The following CCDC25 variants were observed in gnomAD, a reference collection of about 807,000 sequenced individuals.
The protein encoded by CCDC25 is coiled-coil domain containing 25, also known as coiled-coil domain-containing protein 25.
Under a neutral mutation model 35.3 loss-of-function variants are expected in CCDC25, and 16 were observed. The observed-to-expected ratio is 0.45, with a 90% CI of 0.31 to 0.69. The LOEUF (loss-of-function observed/expected upper bound fraction) is 0.69, where lower values mean the gene tolerates loss of function less well. Ranked by LOEUF, CCDC25 falls within the 30% of genes least tolerant of loss-of-function variation. The probability of loss-of-function intolerance (pLI) is 0.06; values close to 1 mark genes in which losing one functional copy is unlikely to be tolerated. For missense variants in CCDC25, 179 were observed against 250.7 expected, an observed-to-expected ratio of 0.71 and a Z score of 1.93; for synonymous variants, 79 against 80.3, an observed-to-expected ratio of 0.98 and a Z score of 0.09.
chr8:27,757,022 A>G (rs1804030866), intron 3 of CCDC25, among the ~76,000 whole-genome samples: 1 of 152,054 alleles, frequency 6.6e-6, no homozygotes, highest in Non-Finnish European at 1.5e-5. Flanking sequence ...TATTAACTGT[A>G]CTGGGAAGGG....
intron 2 of CCDC25, among the ~76,000 whole-genome samples, chr8:27,763,476 G>C (rs1447987807): frequency 6.6e-6 from 1 of 152,210 alleles, no homozygotes; most frequent in Non-Finnish European, 1.5e-5. Context: ...CCAGCACTTT[G>C]GGAGGCTGAG....
chr8:27,772,583 G>T lies in CCDC25; in HGVS notation c.-43C>A. 1 of 1,541,194 alleles carries T rather than the reference G, an allele frequency of 6.5e-7. No homozygotes were observed. The highest frequency in any genetic ancestry group is 8.8e-7 in the Non-Finnish European group (1 of 1,140,418). Reference sequence around the variant, plus strand: ...GGTGACTCCACCGCGGAGCAGCAGCGCTCAACTCACGAAGCTCAGGATACC... The same window carrying T: ...GGTGACTCCACCGCGGAGCAGCAGCTCTCAACTCACGAAGCTCAGGATACC... On this transcript the variant is annotated 5_prime_UTR_variant, in exon 1 of 9. Transcript: ENST00000356537.
chr8:27,749,716 T>G (rs1235188552), intron 5 of CCDC25, among the ~76,000 whole-genome samples: 1 of 152,088 alleles, frequency 6.6e-6, no homozygotes, highest in East Asian at 1.9e-4. Context: ...TGGCAAAACT[T>G]AAATATGGAC....
chr8:27,770,352 A>C (rs1055800101), intron 1 of CCDC25, among the ~76,000 whole-genome samples: 4 of 152,090 alleles, frequency 2.6e-5, no homozygotes, highest in Non-Finnish European at 4.4e-5. Flanking sequence ...GCTTGAACCC[A>C]GGAGATGGAG....
At chr8:27,747,890 C>T in intron 7 of CCDC25, 187 bp downstream of exon 7, 1 of 596,010 alleles carries the variant, frequency 1.7e-6, no homozygotes, top group East Asian at 2.8e-5. Flanking sequence ...CATAAACAAG[C>T]AATTCTTTTA....
chr8:27,762,288 C>T, intron 3 of CCDC25, 131 bp downstream of exon 3: 1 of 737,066 alleles, frequency 1.4e-6, no homozygotes. Flanking sequence ...AATGAAGGAA[C>T]TGGCAGTCAG....
intron 2 of CCDC25, chr8:27,764,295 C>T (rs547290053): frequency 5.5e-6 from 1 of 181,076 alleles, no homozygotes; most frequent in African/African-American, 2.4e-5. Context: ...CTTCAGACAA[C>T]AGATTCTCGC....
intron 1 of CCDC25, among the ~76,000 whole-genome samples, chr8:27,766,679 G>A (rs943026272): frequency 7.2e-5 from 11 of 151,900 alleles, no homozygotes; most frequent in Admixed American, 3.9e-4. Context: ...ATCCTATAAC[G>A]TCACTACCTA....
At position 27,765,256 on chromosome 8, in the gene CCDC25, G is replaced by A; in HGVS notation, c.29-5C>T. The stretch of plus-strand genomic sequence containing the variant: ...TAGTGTAGGCAGATGAATTAACTAA[G>A]ATAAAACAAAAATAAAAAACAATTA... On this transcript the variant is annotated splice_region_variant and splice_polypyrimidine_tract_variant and intron_variant, in intron 1 of 8. Transcript: ENST00000356537. 6.8e-7 allele frequency: 1 copy of A among 1,461,952 alleles called. No homozygotes were observed. The highest frequency in any genetic ancestry group is 9.2e-7 in the Non-Finnish European group (1 of 1,084,066). The allele number at this position is 1,461,952 out of a possible 1,614,324, so 90.6% of individuals were successfully genotyped here.
intron 3 of CCDC25, among the ~76,000 whole-genome samples, chr8:27,759,346 C>G (rs567201285): frequency 2.6e-5 from 4 of 152,194 alleles, no homozygotes; most frequent in Non-Finnish European, 5.9e-5. Flanking sequence ...GTGGCTCATG[C>G]CTGTCGTGCC....
intron 5 of CCDC25, among the ~76,000 whole-genome samples, chr8:27,750,484 A>G (rs1323235371): frequency 6.6e-6 from 1 of 152,178 alleles, no homozygotes; most frequent in Non-Finnish European, 1.5e-5. Flanking sequence ...TACTACCACC[A>G]CTACACCTAC....
intron 7 of CCDC25, among the ~76,000 whole-genome samples, chr8:27,746,803 T>C (rs34371552): frequency 0.025 from 3,848 of 152,276 alleles, 83 homozygotes; most frequent in Non-Finnish European, 0.037. Context: ...AAGTGAAGCC[T>C]GTTTTAGCAG....
At chr8:27,769,219 C>T (rs1804504370) in intron 1 of CCDC25, among the ~76,000 whole-genome samples, 1 of 152,114 alleles carries the variant, frequency 6.6e-6, no homozygotes, top group Admixed American at 6.6e-5. Flanking sequence ...TTTAAAAGAT[C>T]AGCTGCACAA....
chr8:27,738,088 T>C (rs1277330650), intron 8 of CCDC25, among the ~76,000 whole-genome samples: 3 of 152,008 alleles, frequency 2.0e-5, no homozygotes, highest in Non-Finnish European at 4.4e-5. Context: ...GTAAGAATGA[T>C]ACGATGGACT....
At chr8:27,759,779 C>CAAAAAAAAAAAAAAAAAAAAAAAAA (rs77051762) in intron 3 of CCDC25, among the ~76,000 whole-genome samples, 6 of 91,264 alleles carry the variant, frequency 6.6e-5, no homozygotes, top group African/African-American at 9.6e-5. Flanking sequence ...GACTCTGTCT[C>CAAAAAAAAAAAAAAAAAAAAAAAAA]AAAAAAAAAA....
intron 5 of CCDC25, among the ~76,000 whole-genome samples, chr8:27,748,906 C>A (rs1803699488): frequency 1.3e-5 from 2 of 151,810 alleles, no homozygotes; most frequent in African/African-American, 4.8e-5. Context: ...GAGAAAAGGA[C>A]TGAATATGTT....
intron 1 of CCDC25, among the ~76,000 whole-genome samples, chr8:27,770,138 C>T (rs559282352): frequency 7.9e-5 from 12 of 151,944 alleles, no homozygotes; most frequent in Non-Finnish European, 1.3e-4. Context: ...AGGGAGACTC[C>T]ATCTCAAAAA....
intron 5 of CCDC25, among the ~76,000 whole-genome samples, chr8:27,750,667 G>A (rs1451209456): frequency 6.6e-6 from 1 of 152,138 alleles, no homozygotes; most frequent in Non-Finnish European, 1.5e-5. Flanking sequence ...AATGAGAGAC[G>A]CTTAAATGCT....
intron 3 of CCDC25, among the ~76,000 whole-genome samples, chr8:27,759,522 C>A (rs115718571): frequency 0.015 from 2,233 of 150,150 alleles, 50 homozygotes; most frequent in African/African-American, 0.047. Context: ...AGCAGCAGAA[C>A]CACTTGAACC....
Sources: gnomAD v4.1 joint callset for allele counts (sites outside exome capture counted in the v4.1 genomes callset) on GRCh38, gnomAD v4.1.1 for gene constraint, MANE v1.5 for transcripts, NCBI Gene and HGNC (gene_info 2026-07-23, HGNC 2026-07-21) for gene names.